Variants in PRKCE observed in about 807,000 individuals in gnomAD.
PRKCE encodes protein kinase C epsilon type.
A neutral mutation model predicts 85.4 loss-of-function variants in PRKCE; 16 were observed. The ratio of observed to expected loss-of-function variants is 0.19; its 90% CI spans 0.13 to 0.28. PRKCE has a LOEUF of 0.28. Ranked by LOEUF, PRKCE falls within the 10% of genes least tolerant of loss-of-function variation. PRKCE has a pLI of 1.00. For missense variants in PRKCE, 573 were observed against 975.2 expected, an observed-to-expected ratio of 0.59 and a Z score of 5.49; for synonymous variants, 388 against 371.5, an observed-to-expected ratio of 1.04 and a Z score of -0.51.
At chr2:46,153,552 C>T (rs549018781) in intron 13 of PRKCE, among the ~76,000 whole-genome samples, 3 of 152,148 alleles carry the variant, frequency 2.0e-5, no homozygotes, top group East Asian at 1.9e-4. Context: ...GACACTAAGG[C>T]GAGGTTTCAG....
At chr2:46,116,033 A>G (rs2104283235) in intron 11 of PRKCE, among the ~76,000 whole-genome samples, 1 of 152,356 alleles carries the variant, frequency 6.6e-6, no homozygotes, top group African/African-American at 2.4e-5. Context: ...CATAAGGTGA[A>G]TGATCATTTT....
intron 10 of PRKCE, among the ~76,000 whole-genome samples, chr2:46,038,719 C>T (rs1005310194): frequency 1.4e-5 from 2 of 147,884 alleles, no homozygotes; most frequent in African/African-American, 5.0e-5. Context: ...CAGATATTTC[C>T]TTGCGAATGA....
intron 1 of PRKCE, among the ~76,000 whole-genome samples, chr2:45,720,004 T>C (rs1680481746): frequency 6.6e-6 from 1 of 152,182 alleles, no homozygotes; most frequent in African/African-American, 2.4e-5. Flanking sequence ...AGTTCACAGA[T>C]GGCTTGTTTG....
chr2:46,153,586 G>A (rs1008096547), intron 13 of PRKCE, among the ~76,000 whole-genome samples: 1 of 152,108 alleles, frequency 6.6e-6, no homozygotes, highest in Non-Finnish European at 1.5e-5. Context: ...GGGGGAAAGG[G>A]CGTCTGTTCA....
chr2:45,839,913 G>A (rs937378689), intron 1 of PRKCE, among the ~76,000 whole-genome samples: 3 of 152,208 alleles, frequency 2.0e-5, no homozygotes, highest in Admixed American at 2.0e-4. Context: ...GTTTGGAAAT[G>A]CAGTTCACCA....
chr2:45,814,175 A>T (rs1380416576), intron 1 of PRKCE, among the ~76,000 whole-genome samples: 1 of 152,154 alleles, frequency 6.6e-6, no homozygotes, highest in African/African-American at 2.4e-5. Flanking sequence ...CATGACCGGG[A>T]CCAAAGTGTG....
intron 1 of PRKCE, among the ~76,000 whole-genome samples, chr2:45,765,455 C>T (rs771856234): frequency 7.9e-5 from 12 of 152,184 alleles, no homozygotes; most frequent in African/African-American, 2.4e-4. Flanking sequence ...TAACCATCTC[C>T]GTTTGGCCTC....
In PRKCE at chr2:46,184,511, C is replaced by T. The variant is rs1680306790; in HGVS notation, c.2068-224C>T. ...GCTTTTCCATCATACCCTCTCACCC[C>T]TTCTTCCTTCTCACCTTGACTCATT... is the stretch of plus-strand genomic sequence containing the variant. On this transcript the variant is annotated intron_variant, in intron 14 of 14. Transcript: ENST00000306156. The surrounding 1 kb of genome is among the most constrained non-coding windows in gnomAD (Gnocchi z 5.0). Among the ~76,000 whole-genome samples, 1 of 152,126 alleles carries T rather than the reference C, an allele frequency of 6.6e-6. No individual in the cohort carries two copies. Among genetic ancestry groups the T allele is most frequent in the Non-Finnish European group, 1.5e-5 (1 of 68,024 alleles).
chr2:45,694,874 G>A (rs921143027), intron 1 of PRKCE, among the ~76,000 whole-genome samples: 3 of 152,182 alleles, frequency 2.0e-5, no homozygotes, highest in Non-Finnish European at 4.4e-5. Flanking sequence ...GCTGAGTAGT[G>A]TGGGCTTTTT....
chr2:46,106,549 G>T (rs1279162542), intron 11 of PRKCE, among the ~76,000 whole-genome samples: 1 of 152,152 alleles, frequency 6.6e-6, no homozygotes, highest in African/African-American at 2.4e-5. Context: ...CAAGATCAAG[G>T]TACCAGCAAA....
intron 1 of PRKCE, among the ~76,000 whole-genome samples, chr2:45,696,810 A>G (rs1344267496): frequency 6.6e-6 from 1 of 152,130 alleles, no homozygotes; most frequent in Non-Finnish European, 1.5e-5. Context: ...CAAGCTTTTC[A>G]TTAGACTTTT....
Position 45,652,573 on chromosome 2 carries a change from C to G in PRKCE, c.348+125C>G. ...CTGGGGTGTGTGTGCCTGTAAGTCT[C>G]AGTTTCCTTGGGGAGGTACACTTCA... On this transcript the variant is annotated intron_variant, in intron 1 of 14. Coordinates refer to ENST00000306156, the MANE Select transcript of PRKCE (RefSeq NM_005400.3). This position sits in a 1 kb window ranked among gnomAD's most constrained non-coding sequence, Gnocchi z 7.7. 2 of 936,662 alleles carry G rather than the reference C, an allele frequency of 2.1e-6. No individual in the cohort carries two copies. The highest frequency in any genetic ancestry group is 5.3e-5 in the East Asian group (2 of 37,880). 58.0% of individuals were successfully genotyped at this position (936,662 alleles called of 1,614,324 possible). A position where few individuals can be genotyped will look rare whatever the true frequency, so the allele number is the denominator to read the frequency against.
chr2:45,762,975 G>A (rs902679771), intron 1 of PRKCE, among the ~76,000 whole-genome samples: 2 of 148,682 alleles, frequency 1.3e-5, no homozygotes, highest in African/African-American at 5.1e-5. Flanking sequence ...TTTTTGAGAC[G>A]GAGTCCTGCT....
intron 10 of PRKCE, among the ~76,000 whole-genome samples, chr2:46,030,054 G>C (rs1000595119): frequency 6.6e-6 from 1 of 152,154 alleles, no homozygotes; most frequent in Non-Finnish European, 1.5e-5. Context: ...TTTCCCACCA[G>C]GGAGTAATGA....
At chr2:45,731,263 G>A (rs1307753822) in intron 1 of PRKCE, among the ~76,000 whole-genome samples, 1 of 152,204 alleles carries the variant, frequency 6.6e-6, no homozygotes, top group Non-Finnish European at 1.5e-5. Flanking sequence ...TGACAACTCA[G>A]CCTCTTGGGC....
intron 1 of PRKCE, among the ~76,000 whole-genome samples, chr2:45,732,954 G>A (rs996089182): frequency 6.6e-6 from 1 of 152,194 alleles, no homozygotes; most frequent in Non-Finnish European, 1.5e-5. Flanking sequence ...TAAAGGATCA[G>A]AGAGTAAATA....
intron 6 of PRKCE, among the ~76,000 whole-genome samples, chr2:45,994,980 C>G (rs1203931358): frequency 2.0e-5 from 3 of 152,100 alleles, no homozygotes; most frequent in Non-Finnish European, 4.4e-5. Flanking sequence ...GTATTTTGGC[C>G]ATTTTAATAG....
chr2:46,132,114 A>G (rs1674520066), intron 11 of PRKCE, among the ~76,000 whole-genome samples: 1 of 152,190 alleles, frequency 6.6e-6, no homozygotes, highest in Non-Finnish European at 1.5e-5. Context: ...ACCCAAGTTC[A>G]GAGCCCTTCA....
At chr2:46,063,779 C>G (rs1290223798) in intron 10 of PRKCE, among the ~76,000 whole-genome samples, 1 of 152,172 alleles carries the variant, frequency 6.6e-6, no homozygotes, top group Admixed American at 6.5e-5. Flanking sequence ...TCCTTACCAG[C>G]GACTCCTCTT....
Sources: allele counts gnomAD v4.1 joint callset (sites outside exome capture counted in the v4.1 genomes callset), GRCh38; gene constraint gnomAD v4.1.1; non-coding constraint Gnocchi (gnomAD v3.1); transcripts MANE v1.5; gene names NCBI Gene and HGNC (gene_info 2026-07-23, HGNC 2026-07-21).